The following NEO1 variants were observed in gnomAD, a reference collection of about 807,000 sequenced individuals.
NEO1 encodes the protein neogenin 1.
A neutral mutation model predicts 159.7 loss-of-function variants in NEO1; 63 were observed. The ratio of observed to expected loss-of-function variants is 0.39; its 90% CI spans 0.32 to 0.49. The LOEUF (loss-of-function observed/expected upper bound fraction) is 0.49, where lower values mean the gene tolerates loss of function less well. Among genes scored for constraint, NEO1 ranks in the 20% least tolerant of loss-of-function variants. NEO1 has a pLI of 0.85. For synonymous variants in NEO1, 633 were observed against 662.0 expected (o/e 0.96, Z 0.67); for missense variants, 1,615 against 1,831.0 (o/e 0.88, Z 2.15).
intron 5 of NEO1, among the ~76,000 whole-genome samples, chr15:73,138,548 A>T (rs1382051129): frequency 6.6e-6 from 1 of 152,104 alleles, no homozygotes; most frequent in African/African-American, 2.4e-5. Flanking sequence ...CGAGGTCAGG[A>T]GATCGAGATC....
At chr15:73,241,709 A>G (rs886773053) in intron 8 of NEO1, among the ~76,000 whole-genome samples, 3 of 152,150 alleles carry the variant, frequency 2.0e-5, no homozygotes, top group Admixed American at 6.6e-5. Context: ...AACCCCACAC[A>G]CTTAAGAGAA....
intron 5 of NEO1, among the ~76,000 whole-genome samples, chr15:73,139,282 A>T (rs958519341): frequency 3.9e-5 from 6 of 152,110 alleles, no homozygotes; most frequent in Non-Finnish European, 8.8e-5. Flanking sequence ...GTTTTTTTGG[A>T]TATGACCCCA....
chr15:73,303,030 A>C lies in NEO1; in HGVS notation c.*334A>C. ...GGTCAGGCCGTGTCTTTGTGCTGTGACTGCATCACCTTTATGGAGTGTAGA... is the reference window on the plus strand; with the variant it reads ...GGTCAGGCCGTGTCTTTGTGCTGTGCCTGCATCACCTTTATGGAGTGTAGA... On this transcript the variant is annotated 3_prime_UTR_variant, in exon 29 of 29. Coordinates refer to ENST00000261908, the MANE Select transcript of NEO1 (RefSeq NM_002499.4). 3.8e-6 allele frequency: 1 copy of C among 262,622 alleles called. No homozygotes were observed. Among genetic ancestry groups the C allele is most frequent in the Non-Finnish European group, 7.6e-6 (1 of 131,958 alleles). The allele number at this position is 262,622 out of a possible 1,614,324, so 16.3% of individuals were successfully genotyped here. A position where few individuals can be genotyped will look rare whatever the true frequency, so the allele number is the denominator to read the frequency against.
chr15:73,245,288 T>C (rs1443659175), intron 9 of NEO1, among the ~76,000 whole-genome samples: 1 of 152,206 alleles, frequency 6.6e-6, no homozygotes, highest in African/African-American at 2.4e-5. Context: ...TGTCTGTCTT[T>C]AGGCATACCA....
intron 1 of NEO1, among the ~76,000 whole-genome samples, chr15:73,095,534 C>T (rs1161576927): frequency 6.6e-6 from 1 of 152,106 alleles, no homozygotes; most frequent in African/African-American, 2.4e-5. Context: ...TAAACAGAAA[C>T]TTTCACCAAC....
At chr15:73,145,228 G>T (rs1045657934) in intron 5 of NEO1, among the ~76,000 whole-genome samples, 1 of 152,148 alleles carries the variant, frequency 6.6e-6, no homozygotes, top group African/African-American at 2.4e-5. Flanking sequence ...CCCACTAATT[G>T]TATAAGAAAT....
At chr15:73,296,708 C>T (rs1188439449) in intron 26 of NEO1, among the ~76,000 whole-genome samples, 1 of 152,146 alleles carries the variant, frequency 6.6e-6, no homozygotes, top group Non-Finnish European at 1.5e-5. Flanking sequence ...GCATATAGTA[C>T]TGAACCCTTT....
intron 1 of NEO1, among the ~76,000 whole-genome samples, chr15:73,058,132 C>T (rs2067804973): frequency 6.6e-6 from 1 of 152,134 alleles, no homozygotes; most frequent in East Asian, 1.9e-4. Flanking sequence ...TACAGATTTT[C>T]CTATAACCAT....
chr15:73,138,565 G>T (rs2032020094), intron 5 of NEO1, among the ~76,000 whole-genome samples: 1 of 152,018 alleles, frequency 6.6e-6, no homozygotes, highest in Admixed American at 6.6e-5. Context: ...GATCATCCCG[G>T]CTAAAACGGT....
chr15:73,069,070 C>T (rs1035139634), intron 1 of NEO1, among the ~76,000 whole-genome samples: 3 of 151,264 alleles, frequency 2.0e-5, no homozygotes, highest in Middle Eastern at 3.4e-3. Flanking sequence ...CTCCCCCCTT[C>T]AGCCTCCCAA....
chr15:73,302,686 C>A lies in NEO1; in HGVS notation c.4376C>A (p.Thr1459Lys). Residue 1459 changes from threonine to lysine, a missense_variant, in exon 29 of 29, where the codon ACA (threonine) becomes AAA (lysine). Physicochemically the swap from Thr to Lys is moderately conservative, Grantham distance 78. This residue lies in a region of NEO1 where 471 missense variants were observed against 498.9 expected (regional missense o/e 0.94). Transcript: ENST00000261908. ...CTAATGAAGGACCTAAACGCTATCA[C>A]AACAGCATGACGACCTTCACCAGGA... ...EGLMKDLNAI[T>K]TA 6.2e-7 allele frequency: 1 copy of A among 1,613,940 alleles called. No homozygotes were observed. The highest frequency in any genetic ancestry group is 8.5e-7 in the Non-Finnish European group (1 of 1,179,868).
At chr15:73,237,944 A>T (rs1427447761) in intron 8 of NEO1, among the ~76,000 whole-genome samples, 1 of 152,180 alleles carries the variant, frequency 6.6e-6, no homozygotes, top group East Asian at 1.9e-4. Flanking sequence ...CATGAGTTAC[A>T]TCTGGCTTCT....
chr15:73,161,276 G>A (rs1275566117), intron 5 of NEO1, among the ~76,000 whole-genome samples: 1 of 152,076 alleles, frequency 6.6e-6, no homozygotes, highest in African/African-American at 2.4e-5. Flanking sequence ...ATTTACTTTG[G>A]TGTAAGAAAT....
chr15:73,068,422 G>T (rs1351763104), intron 1 of NEO1, among the ~76,000 whole-genome samples: 3 of 152,062 alleles, frequency 2.0e-5, no homozygotes, highest in Non-Finnish European at 4.4e-5. Context: ...ATGTTGGCCA[G>T]GTTGGTCTTC....
rs1596282959 is a variant in NEO1 at position 73,182,974 on chromosome 15, G to A, written c.1291+4547G>A. Among the ~76,000 whole-genome samples the A allele has an allele frequency of 2.6e-5, 4 of 152,306 alleles. No individual in the cohort carries two copies. The South Asian group carries it at 8.3e-4, about 32-fold the overall frequency. On this transcript the variant is annotated intron_variant, in intron 7 of 28. Transcript: ENST00000261908. ...AGACGGCTACTGTAAAAGTGAGTAA[G>A]AGGAAAACTCCTAGAGTTTTAACTA... is the stretch of plus-strand genomic sequence containing the variant.
At chr15:73,118,218 C>T (rs1387865526) in intron 2 of NEO1, among the ~76,000 whole-genome samples, 1 of 152,130 alleles carries the variant, frequency 6.6e-6, no homozygotes, top group Non-Finnish European at 1.5e-5. Context: ...AGTCTTCCCT[C>T]ACCACAGCCT....
intron 5 of NEO1, among the ~76,000 whole-genome samples, chr15:73,158,852 A>T (rs1458272405): frequency 6.6e-6 from 1 of 151,960 alleles, no homozygotes; most frequent in East Asian, 1.9e-4. Flanking sequence ...GTTCAAGCAA[A>T]GAAGTGTGTA....
At chr15:73,112,428 A>C (rs2071052462) in intron 1 of NEO1, among the ~76,000 whole-genome samples, 1 of 152,132 alleles carries the variant, frequency 6.6e-6, no homozygotes, top group Admixed American at 6.6e-5. Flanking sequence ...TTGCCATAAA[A>C]AATTTTTTTT....
intron 1 of NEO1, among the ~76,000 whole-genome samples, chr15:73,107,089 G>T (rs1200208683): frequency 2.0e-5 from 3 of 152,098 alleles, no homozygotes; most frequent in Non-Finnish European, 2.9e-5. Context: ...CTCGCCCCTT[G>T]TTACCATAAT....
Sources: gnomAD v4.1 joint callset for allele counts (sites outside exome capture counted in the v4.1 genomes callset) on GRCh38, gnomAD v4.1.1 for gene constraint, gnomAD v4.1.1 regional missense constraint, MANE v1.5 for transcripts, NCBI Gene and HGNC (gene_info 2026-07-23, HGNC 2026-07-21) for gene names.